CENPE: variants seen among roughly 807,000 people sequenced by gnomAD.
CENPE encodes centromere-associated protein E.
CENPE carries 145 observed loss-of-function variants against 336.1 expected under a neutral mutation model. The observed-to-expected ratio is 0.43, with a 90% confidence interval of 0.38 to 0.50. The LOEUF (loss-of-function observed/expected upper bound fraction) is 0.50. Among genes scored for constraint, CENPE ranks in the 20% least tolerant of loss-of-function variants. The probability of loss-of-function intolerance (pLI) is 0.00; values close to 1 mark genes in which losing one functional copy is unlikely to be tolerated. For missense variants in CENPE, 2,719 were observed against 3,023.3 expected (o/e 0.90, Z 2.36); for synonymous variants, 1,013 against 984.8 (o/e 1.03, Z -0.54).
chr4:103,138,442 T>C lies in CENPE; in HGVS notation c.6212A>G (p.Gln2071Arg), dbSNP rs766430051. 20 of 1,612,312 alleles carry C rather than the reference T, an allele frequency of 1.2e-5. No individual in the cohort carries two copies. Among genetic ancestry groups the C allele is most frequent in the Non-Finnish European group, 1.6e-5 (19 of 1,178,370 alleles). Residue 2071 changes from glutamine (Q) to arginine (R), a missense_variant, in exon 39 of 49, where the codon CAG becomes CGG. Coordinates refer to ENST00000265148, the MANE Select transcript of CENPE (RefSeq NM_001813.3). Reference sequence around the variant, plus strand: ...TTTTTCAGGTTTTACTTGGTGGTTCTGTCGGTCCTGCTTTGGTAAAAAGAA... The same window carrying C: ...TTTTTCAGGTTTTACTTGGTGGTTCCGTCGGTCCTGCTTTGGTAAAAAGAA... ...TLREMIARDR[Q>R]NHQVKPEKRL...
chr4:103,123,148 C>A, intron 42 of CENPE, 59 bp from the exon 43 acceptor site: 5 of 1,221,768 alleles, frequency 4.1e-6, no homozygotes, highest in Non-Finnish European at 6.0e-6. Flanking sequence ...TCCCCACTTA[C>A]CTGCAATTTT....
At chr4:103,141,668 T>C (rs1014660002) in intron 35 of CENPE, 82 bp downstream of exon 35, 3 of 937,162 alleles carry the variant, frequency 3.2e-6, no homozygotes, top group African/African-American at 3.3e-5. Context: ...TTTTCCAGTG[T>C]GGTTGAACCA....
chr4:103,136,436 G>C (rs757740637), intron 39 of CENPE, 77 bp from the exon 40 acceptor site: 48 of 975,356 alleles, frequency 4.9e-5, no homozygotes, highest in Non-Finnish European at 6.7e-5. Flanking sequence ...CTCTAGAATT[G>C]TAACAAAACT....
At chr4:103,136,542 G>A (rs2125907712) in intron 39 of CENPE, among the ~76,000 whole-genome samples, 183 bp from the exon 40 acceptor site, 1 of 152,244 alleles carries the variant, frequency 6.6e-6, no homozygotes, top group East Asian at 1.9e-4. Context: ...AGAAATAATA[G>A]ATAATTATTA....
At chr4:103,135,165 T>A (rs952736063) in intron 40 of CENPE, among the ~76,000 whole-genome samples, 1 of 152,228 alleles carries the variant, frequency 6.6e-6, no homozygotes, top group Non-Finnish European at 1.5e-5. Flanking sequence ...ATCCCAAGGC[T>A]CTTAGTCTTC....
intron 46 of CENPE, among the ~76,000 whole-genome samples, chr4:103,113,546 A>T (rs930986650): frequency 7.1e-6 from 1 of 140,488 alleles, no homozygotes. Context: ...TAACTTATAT[A>T]TAATATATAA....
At chr4:103,114,338 T>A in intron 46 of CENPE, 117 bp downstream of exon 46, 1 of 593,762 alleles carries the variant, frequency 1.7e-6, no homozygotes, top group Non-Finnish European at 3.0e-6. Flanking sequence ...AAAAATAGAT[T>A]AGTGGCCAAC....
intron 21 of CENPE, among the ~76,000 whole-genome samples, chr4:103,160,289 T>C (rs1177666872): frequency 1.3e-5 from 2 of 151,868 alleles, no homozygotes; most frequent in African/African-American, 4.8e-5. Flanking sequence ...TTCAACATAA[T>C]GATACTACTA....
At chr4:103,188,383 T>G (rs548590652) in intron 8 of CENPE, among the ~76,000 whole-genome samples, 11 of 152,284 alleles carry the variant, frequency 7.2e-5, no homozygotes, top group South Asian at 6.2e-4. Context: ...ATTGACCACA[T>G]AGTTGGAAGT....
intron 16 of CENPE, among the ~76,000 whole-genome samples, chr4:103,173,670 C>T (rs920096989): frequency 8.8e-6 from 1 of 113,180 alleles, no homozygotes; most frequent in African/African-American, 2.7e-5. Context: ...ATATAAGAAA[C>T]TAAAACAACT....
At chr4:103,194,713 A>G (rs771410300) in intron 5 of CENPE, 29 bp from the exon 6 acceptor site, 2 of 1,532,260 alleles carry the variant, frequency 1.3e-6, no homozygotes, top group Non-Finnish European at 1.8e-6. Context: ...TGGAAAGATT[A>G]GAGAAATAGA....
At chr4:103,126,816 AG>A (rs1307330382) in intron 42 of CENPE, among the ~76,000 whole-genome samples, 1 of 152,190 alleles carries the variant, frequency 6.6e-6, no homozygotes, top group Non-Finnish European at 1.5e-5. Flanking sequence ...GTTCATTAGC[AG>A]ACTGGCTGAA....
intron 1 of CENPE, among the ~76,000 whole-genome samples, chr4:103,197,372 C>T (rs1454098725): frequency 1.3e-5 from 2 of 152,154 alleles, no homozygotes; most frequent in African/African-American, 4.8e-5. Context: ...TTTCTGACAC[C>T]AGTTCACCCC....
At chr4:103,143,429 A>G in intron 33 of CENPE, 23 bp from the exon 34 acceptor site, 1 of 1,472,604 alleles carries the variant, frequency 6.8e-7, no homozygotes, top group South Asian at 1.2e-5. Flanking sequence ...AAAAATAAAA[A>G]TAATACATTG....
At chr4:103,191,135 A>T (rs1216484446) in intron 8 of CENPE, among the ~76,000 whole-genome samples, 1 of 152,192 alleles carries the variant, frequency 6.6e-6, no homozygotes, top group Non-Finnish European at 1.5e-5. Flanking sequence ...ATCGTTAAAA[A>T]GTCAGGGAAC....
rs80039447 is a variant in CENPE at position 103,163,022 on chromosome 4, T to C, written c.1842+115A>G. 0.015 allele frequency: 11,303 copies of C among 750,510 alleles called. 129 individuals carry two copies. The highest frequency in any genetic ancestry group is 0.02 in the Non-Finnish European group (9,882 of 499,198). 46.5% of individuals were successfully genotyped at this position (750,510 alleles called of 1,614,324 possible). ...ATTGACAGATTTAATGAAATATATA[T>C]AAATTTATTACAACAATACACAGCA... On this transcript the variant is annotated intron_variant, in intron 18 of 48. Coordinates refer to ENST00000265148, the MANE Select transcript of CENPE (RefSeq NM_001813.3).
rs1754379015 is a variant in CENPE at position 103,160,798 on chromosome 4, T to C, written c.2132-19A>G. On this transcript the variant is annotated intron_variant, in intron 20 of 48. Coordinates refer to ENST00000265148, the MANE Select transcript of CENPE (RefSeq NM_001813.3). ...AGCAAATCTAGAAAGTTTTGGTAAA[T>C]TGTATAAAGATCCAATGTTGCCAAA... is the stretch of plus-strand genomic sequence containing the variant. 1 of 1,568,726 alleles carries C rather than the reference T, an allele frequency of 6.4e-7. No homozygotes were observed. The highest frequency in any genetic ancestry group is 1.2e-5 in the South Asian group (1 of 84,008).
intron 1 of CENPE, 130 bp from the exon 2 acceptor site, chr4:103,196,980 T>C (rs1757790712): frequency 4.6e-6 from 3 of 649,226 alleles, no homozygotes; most frequent in South Asian, 1.8e-5. Flanking sequence ...AGAAAGTCCA[T>C]CTTTGAGGAT....
intron 25 of CENPE, among the ~76,000 whole-genome samples, 188 bp from the exon 26 acceptor site, chr4:103,151,565 C>G (rs141746966): frequency 6.6e-6 from 1 of 152,246 alleles, no homozygotes; most frequent in African/African-American, 2.4e-5. Context: ...GCTTTTTATA[C>G]TGTTTCTTTA....
Sources: allele counts gnomAD v4.1 joint callset (sites outside exome capture counted in the v4.1 genomes callset), GRCh38; gene constraint gnomAD v4.1.1; transcripts MANE v1.5; gene names NCBI Gene and HGNC (gene_info 2026-07-23, HGNC 2026-07-21).